Variants in GRIN2A observed in about 807,000 individuals in gnomAD.
GRIN2A encodes glutamate ionotropic receptor NMDA type subunit 2A.
In GRIN2A, 22 loss-of-function variants were observed where a neutral mutation model predicts 113.4. The ratio of observed to expected loss-of-function variants is 0.19; its 90% CI spans 0.14 to 0.28. The LOEUF is 0.28. Among genes scored for constraint, GRIN2A ranks in the 10% least tolerant of loss-of-function variants. The pLI is 1.00. For synonymous variants in GRIN2A, 827 were observed against 738.4 expected (o/e 1.12, Z -1.94); for missense variants, 1,502 against 1,887.0 (o/e 0.80, Z 3.78).
At chr16:10,012,382 A>G (rs1374121793) in intron 2 of GRIN2A, among the ~76,000 whole-genome samples, 1 of 152,232 alleles carries the variant, frequency 6.6e-6, no homozygotes, top group Admixed American at 6.5e-5. Context: ...CTCATATGCT[A>G]AATTTCATTT....
chr16:9,920,819 T>A (rs1009945109), intron 3 of GRIN2A, among the ~76,000 whole-genome samples: 1 of 152,100 alleles, frequency 6.6e-6, no homozygotes, highest in Non-Finnish European at 1.5e-5. Context: ...TCCCAAACTT[T>A]TAAAATCCAG....
chr16:9,944,818 A>G (rs2044978845), intron 2 of GRIN2A, among the ~76,000 whole-genome samples: 1 of 152,178 alleles, frequency 6.6e-6, no homozygotes. Flanking sequence ...TATGTACTTA[A>G]GCAGACCTGC....
chr16:10,026,448 A>G (rs553916649), intron 2 of GRIN2A, among the ~76,000 whole-genome samples: 1 of 148,052 alleles, frequency 6.8e-6, no homozygotes, highest in African/African-American at 2.6e-5. Context: ...AAGGTAGTCT[A>G]TGCAAAGTAC....
intron 4 of GRIN2A, among the ~76,000 whole-genome samples, chr16:9,883,395 G>C (rs2043522545): frequency 6.6e-6 from 1 of 152,202 alleles, no homozygotes; most frequent in South Asian, 2.1e-4. Flanking sequence ...AGATGAATAG[G>C]CAAGCAAACA....
At chr16:10,102,565 G>A (rs958821389) in intron 2 of GRIN2A, among the ~76,000 whole-genome samples, 3 of 151,698 alleles carry the variant, frequency 2.0e-5, no homozygotes, top group Non-Finnish European at 4.4e-5. Flanking sequence ...TTTATTGGGG[G>A]GGACAGAGTC....
intron 2 of GRIN2A, chr16:10,031,541 T>C (rs1167818512): frequency 6.6e-6 from 1 of 152,264 alleles, no homozygotes; most frequent in Non-Finnish European, 1.5e-5. Context: ...CAGTGCTGCG[T>C]TCCTGGCACC....
At chr16:10,110,283 G>A (rs879774142) in intron 2 of GRIN2A, among the ~76,000 whole-genome samples, 2 of 152,218 alleles carry the variant, frequency 1.3e-5, no homozygotes, top group Admixed American at 1.3e-4. Flanking sequence ...AGCATTTAAC[G>A]AGTTAGGGGA....
intron 4 of GRIN2A, among the ~76,000 whole-genome samples, chr16:9,857,529 C>A (rs1471357463): frequency 2.0e-5 from 3 of 152,194 alleles, no homozygotes; most frequent in Non-Finnish European, 2.9e-5. Flanking sequence ...CACAGAGTAG[C>A]AAAGTTGCCA....
intron 2 of GRIN2A, among the ~76,000 whole-genome samples, chr16:9,938,822 G>C (rs534943199): frequency 6.6e-6 from 1 of 152,034 alleles, no homozygotes; most frequent in African/African-American, 2.4e-5. Flanking sequence ...CCTCTAGTTC[G>C]TCCTGCCCCT....
chr16:9,800,428 A>G (rs1903289519), intron 10 of GRIN2A, among the ~76,000 whole-genome samples: 1 of 152,176 alleles, frequency 6.6e-6, no homozygotes, highest in African/African-American at 2.4e-5. Context: ...TCTCAACTTT[A>G]TTGCCTTTCT....
intron 3 of GRIN2A, among the ~76,000 whole-genome samples, chr16:9,893,059 G>C (rs746767668): frequency 6.6e-6 from 1 of 152,162 alleles, no homozygotes; most frequent in Non-Finnish European, 1.5e-5. Flanking sequence ...GCGACTGATG[G>C]GGGTGTTGTG....
intron 4 of GRIN2A, among the ~76,000 whole-genome samples, chr16:9,873,378 A>T (rs564122783): frequency 5.4e-4 from 82 of 152,336 alleles, no homozygotes; most frequent in African/African-American, 1.9e-3. Context: ...ATCTTGCTGT[A>T]TTGATTCAAG....
At chr16:10,032,804 C>T (rs1326852748) in intron 2 of GRIN2A, among the ~76,000 whole-genome samples, 1 of 152,218 alleles carries the variant, frequency 6.6e-6, no homozygotes, top group African/African-American at 2.4e-5. Context: ...ATCATAGCTT[C>T]TGCCTGACTC....
intron 11 of GRIN2A, among the ~76,000 whole-genome samples, chr16:9,779,052 G>A (rs1022789191): frequency 6.6e-6 from 1 of 152,232 alleles, no homozygotes; most frequent in Non-Finnish European, 1.5e-5. Context: ...GAGTCAGCCC[G>A]AGAAAGAGAG....
intron 3 of GRIN2A, among the ~76,000 whole-genome samples, chr16:9,903,116 G>A (rs929799679): frequency 4.6e-5 from 7 of 151,750 alleles, no homozygotes; most frequent in East Asian, 1.9e-4. Context: ...CTACAATCGC[G>A]TGCCACCATG....
upstream of GRIN2A, chr16:10,182,583 C>G (rs2050292148): frequency 8.1e-6 from 1 of 123,122 alleles, no homozygotes; most frequent in Admixed American, 8.5e-5. Flanking sequence ...CGCTTCCTCC[C>G]TCTTCAGGCC....
chr16:9,998,492 G>T (rs975196572), intron 2 of GRIN2A, among the ~76,000 whole-genome samples: 1 of 152,184 alleles, frequency 6.6e-6, no homozygotes, highest in Non-Finnish European at 1.5e-5. Flanking sequence ...ACAACATTGT[G>T]AATGTACTTA....
intron 2 of GRIN2A, among the ~76,000 whole-genome samples, chr16:10,061,243 A>G (rs2047546066): frequency 6.6e-6 from 1 of 152,204 alleles, no homozygotes; most frequent in African/African-American, 2.4e-5. Context: ...CATGTGCTTA[A>G]GAGTACAACA....
At chr16:9,900,710 G>A (rs1182274912) in intron 3 of GRIN2A, among the ~76,000 whole-genome samples, 1 of 152,140 alleles carries the variant, frequency 6.6e-6, no homozygotes, top group Non-Finnish European at 1.5e-5. Context: ...CTTGGAACCT[G>A]GGGTGAGGAA....
Sources: gnomAD v4.1 joint callset for allele counts (sites outside exome capture counted in the v4.1 genomes callset) on GRCh38, gnomAD v4.1.1 for gene constraint, MANE v1.5 for transcripts, NCBI Gene and HGNC (gene_info 2026-07-23, HGNC 2026-07-21) for gene names.